Variants in WNK2 observed in about 807,000 individuals in gnomAD.
WNK2 encodes WNK lysine deficient protein kinase 2.
A neutral mutation model predicts 192.1 loss-of-function variants in WNK2; 67 were observed. That is an observed-to-expected ratio of 0.35 (90% CI 0.29 to 0.43). The LOEUF is 0.43. WNK2 is among the 20% of genes least tolerant of loss of function. The pLI is 1.00. For synonymous variants in WNK2, 1,439 were observed against 1,393.9 expected, an observed-to-expected ratio of 1.03 and a Z score of -0.72; for missense variants, 2,698 against 3,089.7, an observed-to-expected ratio of 0.87 and a Z score of 3.01.
At chr9:93,246,481 A>G (rs986168990) in intron 7 of WNK2, among the ~76,000 whole-genome samples, 1 of 151,996 alleles carries the variant, frequency 6.6e-6, no homozygotes, top group Non-Finnish European at 1.5e-5. Flanking sequence ...GTGTTTATTC[A>G]CTTCTGTTGT....
At position 93,257,118 on chromosome 9, in the gene WNK2, G is replaced by A. The variant is rs752067335; in HGVS notation, c.2361G>A (p.Pro787=). Residue 787 remains proline, a synonymous_variant, in exon 11 of 30, where the codon CCG becomes CCA. Transcript: ENST00000427277. This position sits in a 1 kb window ranked among gnomAD's most constrained non-coding sequence, Gnocchi z 4.7. The part of the protein sequence containing the change: ...PLQMPQAPLQ[P]LAQVPPQMPP... ...AGATGCCACAGGCGCCCCTGCAGCC[G>A]CTTGCTCAAGTCCCTCCGCAGGTAA... 1.6e-5 allele frequency: 25 copies of A among 1,608,280 alleles called. No homozygotes were observed. Among genetic ancestry groups the A allele is most frequent in the African/African-American group, 5.4e-5 (4 of 74,636 alleles).
chr9:93,276,011 A>G lies in WNK2; in HGVS notation c.4033+7265A>G, dbSNP rs530105413. 6.3e-4 allele frequency among the ~76,000 whole-genome samples: 96 copies of G among 152,390 alleles called. No individual in the cohort carries two copies. The South Asian group carries it at 0.019, about 30-fold the overall frequency. The stretch of plus-strand genomic sequence containing the variant: ...CATGGATTGGAAGACTCAACATAGT[A>G]AAAATGTCACTTCTACCCAAATGGA... On this transcript the variant is annotated intron_variant, in intron 19 of 29. Transcript: ENST00000427277.
chr9:93,312,625 G>T (rs566794277), intron 28 of WNK2, among the ~76,000 whole-genome samples: 1 of 152,072 alleles, frequency 6.6e-6, no homozygotes, highest in Admixed American at 6.6e-5. Flanking sequence ...TGATCCGCCC[G>T]CCTCGGCCTC....
intron 2 of WNK2, among the ~76,000 whole-genome samples, chr9:93,220,689 A>G (rs1383831457): frequency 6.6e-6 from 1 of 152,184 alleles, no homozygotes; most frequent in Non-Finnish European, 1.5e-5. Flanking sequence ...TCCTGTTGGA[A>G]GGAAGGACCA....
At chr9:93,213,415 C>T (rs762006490) in intron 2 of WNK2, among the ~76,000 whole-genome samples, 7 of 152,118 alleles carry the variant, frequency 4.6e-5, no homozygotes, top group African/African-American at 9.7e-5. Flanking sequence ...ATGTGGCTGC[C>T]CTGTAACTAG....
rs1009525299 is a variant in WNK2 at position 93,263,693 on chromosome 9, C to T, written c.3538C>T (p.Arg1180Trp). The T allele has an allele frequency of 3.9e-6, 6 of 1,554,564 alleles. No homozygotes were observed. Among genetic ancestry groups the T allele is most frequent in the Admixed American group, 1.9e-5 (1 of 52,726 alleles). Residue 1180 changes from arginine to tryptophan, a missense_variant, in exon 15 of 30, where the codon CGG becomes TGG. Arg to Trp is a moderately radical substitution (Grantham distance 101). Around this residue, in one of 7 missense-constraint regions of WNK2, gnomAD observed 893 missense variants for 909.0 expected, o/e 0.98. Transcript: ENST00000427277. ...CCGCAGGTCCACGCGTGCGCGCTCC[C>T]GGCAGGAGAGGGCCAGCCGGCCCCG... ...HHRRSTRARS[R>W]QERASRPRLT...
In WNK2 at chr9:93,256,310, G is replaced by A. The variant is rs771882296; in HGVS notation, c.2046G>A (p.Pro682=). The A allele has an allele frequency of 9.6e-6, 15 of 1,565,690 alleles. No individual in the cohort carries two copies. In the East Asian group the frequency reaches 2.8e-4, roughly 29 times the overall value. Residue 682 remains proline, a synonymous_variant, in exon 10 of 30, where the codon CCG becomes CCA. Transcript: ENST00000427277. ...YQQPTAAPGL[P]VGSVPAPACP... Reference sequence around the variant, plus strand: ...GGTGCTCTCTGCAGCCTGGCTTGCCGGTGGGCTCTGTCCCGGCCCCCGCCT... The same window carrying A: ...GGTGCTCTCTGCAGCCTGGCTTGCCAGTGGGCTCTGTCCCGGCCCCCGCCT...
intron 29 of WNK2, chr9:93,318,026 A>G (rs767119549): frequency 1.2e-6 from 2 of 1,612,688 alleles, no homozygotes; most frequent in South Asian, 1.1e-5. Flanking sequence ...GTTCGCTCCT[A>G]GGTTCCTGTG....
rs763239658 is a variant in WNK2 at position 93,318,404 on chromosome 9, A to G, written c.6628+773A>G. The G allele has an allele frequency of 4.3e-6, 7 of 1,614,050 alleles. No homozygotes were observed. The Admixed American group carries it at 1.2e-4, about 27-fold the overall frequency. On this transcript the variant is annotated intron_variant, in intron 29 of 29. Transcript: ENST00000427277. ...GAGTGCCGGTTCCCTGGGCTCATCC[A>G]GGGGCTGAGAGACGGCGGGACGCTG...
rs1448276571 is a variant in WNK2 at position 93,259,086 on chromosome 9, A to G, written c.2538A>G (p.Pro846=). 5 of 1,592,580 alleles carry G rather than the reference A, an allele frequency of 3.1e-6. No homozygotes were observed. The highest frequency in any genetic ancestry group is 1.5e-5 in the African/African-American group (1 of 67,722). Residue 846 remains proline, a synonymous_variant, in exon 12 of 30, where the codon CCA becomes CCG. Transcript: ENST00000427277. This position sits in a 1 kb window ranked among gnomAD's most constrained non-coding sequence, Gnocchi z 4.8. ...TGATCTTGCCGAGCCTCGCTGCCCCACTCCCCCCTGCGTCCCCAGCCTTGC... is the reference window on the plus strand; with the variant it reads ...TGATCTTGCCGAGCCTCGCTGCCCCGCTCCCCCCTGCGTCCCCAGCCTTGC... ...PAVILPSLAA[P]LPPASPALPL...
chr9:93,258,782 T>G (rs2132845617), intron 11 of WNK2, 149 bp from the exon 12 acceptor site: 2 of 671,364 alleles, frequency 3.0e-6, no homozygotes, highest in East Asian at 5.5e-5. Context: ...CAACAGCAGC[T>G]ACACAAAGGT....
At position 93,290,034 on chromosome 9, in the gene WNK2, C is replaced by A; in HGVS notation, c.4923C>A (p.Ser1641=). The A allele has an allele frequency of 6.4e-7, 1 of 1,573,656 alleles. No individual in the cohort carries two copies. The highest frequency in any genetic ancestry group is 8.6e-7 in the Non-Finnish European group (1 of 1,158,520). ...TRGAVMEQGT[S]SSMTAESSPR... ...GGGCCGTGATGGAGCAGGGCACGTC[C>A]TCGTCAATGACAGGTAACAGCTTCC... The change falls in exon 21 of 30, where the codon TCC becomes TCA. Residue 1641 remains serine (S), a synonymous_variant. Coordinates refer to ENST00000427277, the MANE Select transcript of WNK2 (RefSeq NM_006648.4).
chr9:93,201,214 C>T (rs145468322), intron 2 of WNK2, among the ~76,000 whole-genome samples: 220 of 152,254 alleles, frequency 1.4e-3, no homozygotes, highest in South Asian at 4.1e-3. Context: ...TCTGTGTGGC[C>T]GAGTGCGTTT....
At chr9:93,276,290 C>T (rs538504174) in intron 19 of WNK2, among the ~76,000 whole-genome samples, 5 of 152,306 alleles carry the variant, frequency 3.3e-5, no homozygotes, top group African/African-American at 1.2e-4. Flanking sequence ...AATAGACCCA[C>T]ACAAATATGA....
chr9:93,317,198 A>G (rs776210213), intron 28 of WNK2: 28 of 457,050 alleles, frequency 6.1e-5, no homozygotes, highest in Middle Eastern at 6.1e-4. Context: ...GTGGCTGAGT[A>G]GAGGCATGTG....
chr9:93,263,048 C>G (rs942278155), intron 14 of WNK2, among the ~76,000 whole-genome samples: 3 of 152,152 alleles, frequency 2.0e-5, no homozygotes, highest in African/African-American at 4.8e-5. Context: ...AGGGTGGCCC[C>G]CTGTGTACAG....
intron 8 of WNK2, among the ~76,000 whole-genome samples, chr9:93,252,064 TAA>T (rs1346887945): frequency 6.6e-6 from 1 of 152,166 alleles, no homozygotes; most frequent in Non-Finnish European, 1.5e-5. Context: ...TGGTAAATTC[TAA>T]AGTTTCTGTA....
intron 1 of WNK2, 51 bp from the exon 2 acceptor site, chr9:93,184,877 A>G (rs1234140120): frequency 2.6e-6 from 3 of 1,162,882 alleles, no homozygotes; most frequent in Non-Finnish European, 3.2e-6. Flanking sequence ...CGGCCTGGGC[A>G]GGTGCGGCAG....
At chr9:93,193,834 AAAT>A (rs1158476542) in intron 2 of WNK2, among the ~76,000 whole-genome samples, 2 of 152,198 alleles carry the variant, frequency 1.3e-5, no homozygotes, top group Non-Finnish European at 2.9e-5. Flanking sequence ...GGCTCTCATT[AAAT>A]TATATTAACA....
Sources: gnomAD v4.1 joint callset for allele counts (sites outside exome capture counted in the v4.1 genomes callset) on GRCh38, gnomAD v4.1.1 for gene constraint, gnomAD v4.1.1 regional missense constraint, Gnocchi (gnomAD v3.1) non-coding constraint, MANE v1.5 for transcripts, NCBI Gene and HGNC (gene_info 2026-07-23, HGNC 2026-07-21) for gene names.